Variants in PIAS2 observed in about 807,000 individuals in gnomAD.
PIAS2 encodes E3 SUMO-protein ligase PIAS2.
In PIAS2, 19 loss-of-function variants were observed where a neutral mutation model predicts 69.7. That is an observed-to-expected ratio of 0.27 (90% CI 0.19 to 0.40). The LOEUF is 0.40. Ranked by LOEUF, PIAS2 falls within the 10% of genes least tolerant of loss-of-function variation. The pLI, the probability that PIAS2 is intolerant of heterozygous loss-of-function variation, is 1.00. For missense variants in PIAS2, 624 were observed against 757.0 expected (o/e 0.82, Z 2.06); for synonymous variants, 261 against 263.2 (o/e 0.99, Z 0.08).
chr18:46,844,160 A>G, intron 7 of PIAS2, 33 bp from the exon 8 acceptor site: 1 of 1,136,926 alleles, frequency 8.8e-7, no homozygotes, highest in Non-Finnish European at 1.2e-6. Flanking sequence ...AAAATTTAAA[A>G]AAATTAAGGG....
chr18:46,919,939 CG>C (rs1159070861), upstream of PIAS2: 1 of 564,814 alleles, frequency 1.8e-6, no homozygotes, highest in African/African-American at 1.9e-5. Flanking sequence ...GAGGAGTTTT[CG>C]GGGAATAGAC....
chr18:46,833,436 G>A (rs958064007), intron 9 of PIAS2, among the ~76,000 whole-genome samples: 4 of 152,076 alleles, frequency 2.6e-5, no homozygotes, highest in African/African-American at 7.2e-5. Context: ...TGATGGGTGT[G>A]TTCATTATCT....
chr18:46,887,855 G>A (rs1214554693), intron 2 of PIAS2, among the ~76,000 whole-genome samples: 1 of 152,158 alleles, frequency 6.6e-6, no homozygotes. Flanking sequence ...GCTTGAGTAA[G>A]TTCTAGCCAG....
intron 3 of PIAS2, among the ~76,000 whole-genome samples, chr18:46,858,117 C>T (rs1599827372): frequency 1.3e-5 from 2 of 151,004 alleles, no homozygotes; most frequent in Admixed American, 6.6e-5. Flanking sequence ...AGAAAAAAGG[C>T]GGCAAAGGTG....
chr18:46,917,462 G>C lies in PIAS2; in HGVS notation c.-117C>G, dbSNP rs1488289934. 8.2e-7 allele frequency: 1 copy of C among 1,219,734 alleles called. No individual in the cohort carries two copies. The highest frequency in any genetic ancestry group is 4.5e-5 in the Admixed American group (1 of 22,264). 75.6% of individuals were successfully genotyped at this position (1,219,734 alleles called of 1,614,324 possible). On this transcript the variant is annotated 5_prime_UTR_variant, in exon 1 of 14. Transcript: ENST00000585916. ...CCAGCACCATCCTGCACTGGGCGCC[G>C]CTTAAGACGCCGCGGCCGCCGCCGC...
rs931813893 is a variant in PIAS2 at position 46,815,830 on chromosome 18, A to G, written c.1649-481T>C. ...CTCTGTCCCCGCTGTCCCCACATCA[A>G]GAGCAGTACATAGTCCAACGCTCTG... On this transcript the variant is annotated intron_variant, in intron 12 of 13. Coordinates refer to ENST00000585916, the MANE Select transcript of PIAS2 (RefSeq NM_004671.5). The G allele has an allele frequency of 2.7e-5, 27 of 993,030 alleles. No homozygotes were observed. The African/African-American group carries it at 4.7e-4, about 17-fold the overall frequency. The allele number at this position is 993,030 out of a possible 1,614,324, so 61.5% of individuals were successfully genotyped here.
At chr18:46,863,881 AGGGTAG>A (rs536264940) in intron 3 of PIAS2, among the ~76,000 whole-genome samples, 122 of 152,304 alleles carry the variant, frequency 8.0e-4, no homozygotes, top group Non-Finnish European at 1.1e-3. Context: ...ATAAAGCCAC[AGGGTAG>A]GTCCCCAATC....
intron 11 of PIAS2, among the ~76,000 whole-genome samples, chr18:46,824,790 C>T (rs2042610414): frequency 6.6e-6 from 1 of 150,942 alleles, no homozygotes; most frequent in Non-Finnish European, 1.5e-5. Flanking sequence ...ATGGCTTGAG[C>T]TCAGGAGTTC....
rs774252563 is a variant in PIAS2 at position 46,883,312 on chromosome 18, GAAGGT to G, written c.499+7263_499+7267del. ...AGGAATCAAAGGTTCATAAAACTTT[GAAGGT>G]ATTTCACATAACACCAGCCAGCCAG... On this transcript the variant is annotated intron_variant, in intron 2 of 13. Coordinates refer to ENST00000585916, the MANE Select transcript of PIAS2 (RefSeq NM_004671.5). 8.5e-5 allele frequency among the ~76,000 whole-genome samples: 13 copies of G among 152,258 alleles called. No homozygotes were observed. In the East Asian group the frequency reaches 1.7e-3, roughly 20 times the overall value.
At chr18:46,902,536 G>T (rs2056035908) in intron 1 of PIAS2, among the ~76,000 whole-genome samples, 1 of 151,842 alleles carries the variant, frequency 6.6e-6, no homozygotes. Context: ...CTCCAGCCTG[G>T]GCAACAAAAG....
intron 12 of PIAS2, chr18:46,817,528 T>G (rs2041690321): frequency 7.4e-6 from 7 of 939,954 alleles, no homozygotes; most frequent in Non-Finnish European, 8.9e-6. Context: ...ATGTGTGTGG[T>G]AAATATAAAG....
chr18:46,846,927 A>G, intron 5 of PIAS2, 86 bp from the exon 6 acceptor site: 1 of 1,145,578 alleles, frequency 8.7e-7, no homozygotes, highest in Non-Finnish European at 1.2e-6. Context: ...GATCCTGCCC[A>G]ATTTCAGTTA....
At chr18:46,812,737 T>G in intron 13 of PIAS2, 125 bp from the exon 14 acceptor site, 1 of 575,418 alleles carries the variant, frequency 1.7e-6, no homozygotes, top group Non-Finnish European at 3.1e-6. Flanking sequence ...ATTTAAAAAT[T>G]GCTCAAAACT....
Position 46,917,348 on chromosome 18 carries a change from T to C in PIAS2, c.-3A>G, listed in dbSNP as rs2058091344. ...CTCAACTCTTCGAAATCCGCCATTT[T>C]ATACCACCCGCGGGCGCCGCCGCCG... On this transcript the variant is annotated 5_prime_UTR_variant, in exon 1 of 14. It adds an upstream start codon to the 5' untranslated region. Transcript: ENST00000585916. 4 of 1,468,510 alleles carry C rather than the reference T, an allele frequency of 2.7e-6. No homozygotes were observed. Among genetic ancestry groups the C allele is most frequent in the South Asian group, 2.6e-5 (2 of 77,386 alleles). 91.0% of individuals were successfully genotyped at this position (1,468,510 alleles called of 1,614,324 possible).
chr18:46,815,708 T>TAA, intron 12 of PIAS2: 1 of 1,004,968 alleles, frequency 1.0e-6, no homozygotes, highest in Non-Finnish European at 1.2e-6. Context: ...AAAAAAAACA[T>TAA]ACTTAAGCTC....
At position 46,803,222 on chromosome 18, in the gene PIAS2, AGTT is replaced by A. The variant is rs750328644; in HGVS notation, c.*9208_*9210del. 2.6e-5 allele frequency: 4 copies of A among 152,084 alleles called. No individual in the cohort carries two copies. The highest frequency in any genetic ancestry group is 5.9e-5 in the Non-Finnish European group (4 of 68,002). 9.4% of individuals were successfully genotyped at this position (152,084 alleles called of 1,614,324 possible). Reference sequence around the variant, plus strand: ...TTGACCAATGAAAGCAATGGGTCATAGTTTAATTAGCAGGTTTAATTTTTCTTT... The same window carrying A: ...TTGACCAATGAAAGCAATGGGTCATATAATTAGCAGGTTTAATTTTTCTTT... On this transcript the variant is annotated 3_prime_UTR_variant, in exon 14 of 14. Coordinates refer to ENST00000585916, the MANE Select transcript of PIAS2 (RefSeq NM_004671.5).
intron 2 of PIAS2, among the ~76,000 whole-genome samples, chr18:46,876,430 G>A (rs569574057): frequency 5.3e-5 from 8 of 152,228 alleles, no homozygotes; most frequent in East Asian, 3.9e-4. Flanking sequence ...AACCAGCAAC[G>A]ATTTGTTAAC....
At chr18:46,854,614 C>T (rs1173227070) in intron 5 of PIAS2, among the ~76,000 whole-genome samples, 1 of 152,146 alleles carries the variant, frequency 6.6e-6, no homozygotes, top group Non-Finnish European at 1.5e-5. Flanking sequence ...TTTGAAGAGT[C>T]AAAAGCCATC....
At chr18:46,899,144 C>A (rs1392144550) in intron 1 of PIAS2, among the ~76,000 whole-genome samples, 1 of 151,680 alleles carries the variant, frequency 6.6e-6, no homozygotes, top group East Asian at 1.9e-4. Context: ...GAGAGCTTAA[C>A]AGACCAAAAC....
Sources: allele counts gnomAD v4.1 joint callset (sites outside exome capture counted in the v4.1 genomes callset), GRCh38; gene constraint gnomAD v4.1.1; transcripts MANE v1.5; gene names NCBI Gene and HGNC (gene_info 2026-07-23, HGNC 2026-07-21).